The following MARCHF1 variants were observed in gnomAD, a reference collection of about 807,000 sequenced individuals.
The protein encoded by MARCHF1 is membrane associated ring-CH-type finger 1, also known as E3 ubiquitin-protein ligase MARCHF1.
MARCHF1 carries 40 observed loss-of-function variants against 54.2 expected under a neutral mutation model. The observed-to-expected ratio is 0.74, with a 90% CI of 0.57 to 0.96. The LOEUF (loss-of-function observed/expected upper bound fraction) is 0.96, where lower values mean the gene tolerates loss of function less well. Among genes scored for constraint, MARCHF1 ranks in the 40% least tolerant of loss-of-function variants. The pLI is 0.00. For synonymous variants in MARCHF1, 236 were observed against 236.3 expected (o/e 1.00, Z 0.01); for missense variants, 586 against 656.5 (o/e 0.89, Z 1.17).
intron 3 of MARCHF1, among the ~76,000 whole-genome samples, chr4:163,872,466 A>G (rs1750189654): frequency 1.3e-5 from 2 of 152,214 alleles, no homozygotes; most frequent in South Asian, 4.1e-4. Flanking sequence ...TTTGAAAATC[A>G]TGCTTATCTT....
intron 2 of MARCHF1, among the ~76,000 whole-genome samples, chr4:164,071,002 T>G (rs1387998403): frequency 6.6e-6 from 1 of 152,216 alleles, no homozygotes; most frequent in East Asian, 1.9e-4. Context: ...GCCGCTGCCA[T>G]GTAAAAAGAG....
intron 1 of MARCHF1, among the ~76,000 whole-genome samples, chr4:164,295,399 T>C (rs1283414977): frequency 6.6e-6 from 1 of 151,888 alleles, no homozygotes; most frequent in East Asian, 1.9e-4. Context: ...AAGTGATACA[T>C]TTTGGGGTGA....
chr4:164,215,993 TTTAA>T (rs1220480306), intron 1 of MARCHF1, among the ~76,000 whole-genome samples: 26 of 152,226 alleles, frequency 1.7e-4, no homozygotes, highest in African/African-American at 6.0e-4. Flanking sequence ...TATTTCTGTA[TTTAA>T]TTAGGTTCTC....
chr4:163,621,847 G>A (rs1741705801), intron 5 of MARCHF1, among the ~76,000 whole-genome samples: 1 of 152,084 alleles, frequency 6.6e-6, no homozygotes, highest in Non-Finnish European at 1.5e-5. Flanking sequence ...AGGGTATGAG[G>A]AAGACTCACC....
chr4:164,349,964 T>C (rs1730231781), intron 1 of MARCHF1, among the ~76,000 whole-genome samples: 1 of 152,240 alleles, frequency 6.6e-6, no homozygotes, highest in Non-Finnish European at 1.5e-5. Flanking sequence ...CTTATGATTG[T>C]ATGATTTTGG....
At chr4:163,793,999 C>A (rs1579291880) in intron 4 of MARCHF1, among the ~76,000 whole-genome samples, 1 of 152,162 alleles carries the variant, frequency 6.6e-6, no homozygotes, top group East Asian at 1.9e-4. Context: ...GCTTGTCCTG[C>A]TACAATACTA....
chr4:164,122,579 C>T (rs1756092048), intron 1 of MARCHF1, among the ~76,000 whole-genome samples: 1 of 151,986 alleles, frequency 6.6e-6, no homozygotes, highest in African/African-American at 2.4e-5. Flanking sequence ...ATAAATCAGA[C>T]ACTGCTTCCT....
intron 8 of MARCHF1, among the ~76,000 whole-genome samples, chr4:163,579,094 A>G (rs1014900003): frequency 6.6e-6 from 1 of 152,216 alleles, no homozygotes; most frequent in African/African-American, 2.4e-5. Context: ...TTGACATTTC[A>G]AAAGACTAAT....
chr4:163,630,393 G>T (rs1742031635), intron 5 of MARCHF1, among the ~76,000 whole-genome samples: 2 of 152,196 alleles, frequency 1.3e-5, no homozygotes, highest in Admixed American at 1.3e-4. Context: ...GTGACATGAA[G>T]CAGATTAGCG....
chr4:164,074,426 T>C (rs1485192093), intron 2 of MARCHF1, among the ~76,000 whole-genome samples: 1 of 152,226 alleles, frequency 6.6e-6, no homozygotes, highest in African/African-American at 2.4e-5. Flanking sequence ...AAATGTATCA[T>C]ATCCTTGAGA....
At chr4:164,310,689 G>T (rs1734826838) in intron 1 of MARCHF1, among the ~76,000 whole-genome samples, 1 of 151,852 alleles carries the variant, frequency 6.6e-6, no homozygotes. Context: ...GATTTGCTCT[G>T]GGAGAAATTA....
chr4:164,189,099 C>G, intron 1 of MARCHF1: 1 of 674,318 alleles, frequency 1.5e-6, no homozygotes, highest in Non-Finnish European at 2.7e-6. Context: ...ACAATGGTGT[C>G]TTCGGAGTCG....
chr4:163,816,867 C>T (rs981829341), intron 4 of MARCHF1, among the ~76,000 whole-genome samples: 4 of 152,048 alleles, frequency 2.6e-5, no homozygotes, highest in South Asian at 2.1e-4. Flanking sequence ...TCACTCCCCC[C>T]GCTGTGCCCC....
intron 2 of MARCHF1, among the ~76,000 whole-genome samples, chr4:164,106,940 GA>G (rs1274912016): frequency 6.6e-6 from 1 of 152,052 alleles, no homozygotes; most frequent in Admixed American, 6.6e-5. Context: ...GCTGATACAA[GA>G]AACAACCATA....
At chr4:163,933,025 T>G (rs1270615419) in intron 3 of MARCHF1, 8 of 1,377,792 alleles carry the variant, frequency 5.8e-6, no homozygotes, top group Non-Finnish European at 8.0e-6. Flanking sequence ...TGCCTGGGGC[T>G]TGCGGTTAAC....
At chr4:163,739,599 C>T (rs147706258) in intron 4 of MARCHF1, among the ~76,000 whole-genome samples, 140 of 152,226 alleles carry the variant, frequency 9.2e-4, no homozygotes, top group African/African-American at 3.3e-3. Flanking sequence ...GAACACTCTT[C>T]AGTATTTAGC....
chr4:163,818,585 A>G (rs929894805), intron 4 of MARCHF1, among the ~76,000 whole-genome samples: 1 of 152,116 alleles, frequency 6.6e-6, no homozygotes, highest in African/African-American at 2.4e-5. Context: ...TGCTCTGGCC[A>G]TCCTTGCCCT....
intron 2 of MARCHF1, among the ~76,000 whole-genome samples, chr4:164,052,229 T>C (rs1481524551): frequency 1.4e-5 from 2 of 147,042 alleles, no homozygotes; most frequent in Non-Finnish European, 1.5e-5. Context: ...ATCAGAATAA[T>C]AAAGATAATG....
chr4:163,712,298 G>GTC (rs999584133), intron 4 of MARCHF1, among the ~76,000 whole-genome samples: 79 of 152,154 alleles, frequency 5.2e-4, no homozygotes, highest in African/African-American at 1.8e-3. Context: ...ACCTTCATGG[G>GTC]TCACACACAC....
Sources: allele counts gnomAD v4.1 joint callset (sites outside exome capture counted in the v4.1 genomes callset), GRCh38; gene constraint gnomAD v4.1.1; transcripts MANE v1.5; gene names NCBI Gene and HGNC (gene_info 2026-07-23, HGNC 2026-07-21).